Variants in ITGAE observed in about 807,000 individuals in gnomAD.
The protein encoded by ITGAE is integrin alpha-E.
A neutral mutation model predicts 136.5 loss-of-function variants in ITGAE; 99 were observed. That is an observed-to-expected ratio of 0.73 (90% CI 0.62 to 0.86). The LOEUF (loss-of-function observed/expected upper bound fraction) is 0.86, where lower values mean the gene tolerates loss of function less well. Ranked by LOEUF, ITGAE falls within the 40% of genes least tolerant of loss-of-function variation. The pLI is 0.00. For synonymous variants in ITGAE, 613 were observed against 591.8 expected, an observed-to-expected ratio of 1.04 and a Z score of -0.52; for missense variants, 1,447 against 1,515.3, an observed-to-expected ratio of 0.95 and a Z score of 0.75.
intron 16 of ITGAE, 141 bp downstream of exon 16, chr17:3,750,211 A>C (rs2051828862): frequency 1.6e-6 from 2 of 1,213,002 alleles, no homozygotes; most frequent in Admixed American, 2.3e-5. Flanking sequence ...TCAAACCCAG[A>C]CGGGCAGACT....
rs1226230429 is a variant in ITGAE at position 3,755,227 on chromosome 17, T to C, written c.1274A>G (p.Asp425Gly). ...QVLLGAVGAF[D>G]WSGGALLYDT... ...GTAGAGCAACGCCCCTCCGGACCAG[T>C]CAAAGGCCCCGACGGCGCCGAGCAG... is the stretch of plus-strand genomic sequence containing the variant. Residue 425 changes from aspartate (D) to glycine (G), a missense_variant, in exon 12 of 31, where the codon GAC becomes GGC. Coordinates refer to ENST00000263087, the MANE Select transcript of ITGAE (RefSeq NM_002208.5). 6.3e-7 allele frequency: 1 copy of C among 1,577,326 alleles called. No individual in the cohort carries two copies. Among genetic ancestry groups the C allele is most frequent in the Non-Finnish European group, 8.6e-7 (1 of 1,168,294 alleles).
chr17:3,751,929 C>T, intron 14 of ITGAE, 55 bp from the exon 15 acceptor site: 2 of 1,444,982 alleles, frequency 1.4e-6, no homozygotes, highest in Non-Finnish European at 1.9e-6. Context: ...GTGCCCACTC[C>T]ATTGCCACCC....
At chr17:3,766,286 C>A (rs1396993795) in intron 2 of ITGAE, among the ~76,000 whole-genome samples, 1 of 152,136 alleles carries the variant, frequency 6.6e-6, no homozygotes, top group Non-Finnish European at 1.5e-5. Context: ...AGTGTAATCA[C>A]AAAAGTCCTT....
intron 29 of ITGAE, among the ~76,000 whole-genome samples, chr17:3,718,947 C>G (rs576773990): frequency 2.6e-4 from 39 of 152,280 alleles, no homozygotes; most frequent in Admixed American, 4.6e-4. Flanking sequence ...AAATACACTA[C>G]TTAGCCGGAC....
At chr17:3,761,313 C>A in intron 5 of ITGAE, 90 bp downstream of exon 5, 1 of 1,545,876 alleles carries the variant, frequency 6.5e-7, no homozygotes. Flanking sequence ...GCCTGCGTCC[C>A]ACTGCATCTG....
At chr17:3,795,441 C>T (rs2053041522) in intron 1 of ITGAE, among the ~76,000 whole-genome samples, 1 of 152,232 alleles carries the variant, frequency 6.6e-6, no homozygotes, top group Non-Finnish European at 1.5e-5. Context: ...GTTCCGCTCC[C>T]CCAGAGCACC....
chr17:3,797,144 T>TAA (rs2053125857), intron 1 of ITGAE, among the ~76,000 whole-genome samples: 1 of 25,482 alleles, frequency 3.9e-5, no homozygotes, highest in Non-Finnish European at 8.1e-5. Flanking sequence ...AAACTAAATA[T>TAA]ATATATATAT....
intron 24 of ITGAE, chr17:3,729,228 G>A (rs1000076146): frequency 3.7e-5 from 17 of 455,854 alleles, no homozygotes; most frequent in African/African-American, 2.5e-4. Context: ...CCTCCACAGC[G>A]TCATATTAAT....
At chr17:3,723,663 G>A in intron 27 of ITGAE, 25 bp downstream of exon 27, 4 of 1,566,946 alleles carry the variant, frequency 2.6e-6, no homozygotes, top group South Asian at 1.2e-5. Context: ...GCCCTCCCCT[G>A]GCCTCTCGGG....
rs114235987 is a variant in ITGAE at position 3,757,217 on chromosome 17, C to T, written c.1021-83G>A. The T allele has an allele frequency of 7.5e-4, 1,108 of 1,469,380 alleles. 6 individuals carry two copies. In the African/African-American group the frequency reaches 0.013, roughly 18 times the overall value. The allele number at this position is 1,469,380 out of a possible 1,614,324, so 91.0% of individuals were successfully genotyped here. ...AGAGAGCTGAGCCCCTCCATCTGGC[C>T]TCTGGGGCCCTCCATTACCTGTCTC... On this transcript the variant is annotated intron_variant, in intron 9 of 30. Transcript: ENST00000263087.
In ITGAE at chr17:3,753,913, G is replaced by A. The variant is rs867499358; in HGVS notation, c.1397C>T (p.Ala466Val). The A allele has an allele frequency of 6.2e-7, 1 of 1,613,978 alleles. No individual in the cohort carries two copies. Among genetic ancestry groups the A allele is most frequent in the Non-Finnish European group, 8.5e-7 (1 of 1,179,982 alleles). Residue 466 changes from alanine to valine, a missense_variant, in exon 13 of 31, where the codon GCC (alanine) becomes GTC (valine). Ala to Val is a moderately conservative substitution (Grantham distance 64). Transcript: ENST00000263087. ...AQYSYLGYAV[A>V]VLHKTCSLSY... ...GAGGCTGCAGGTCTTGTGCAGCACG[G>A]CCACAGCGTAACCTGGGGCAAGGGT...
chr17:3,755,984 C>G lies in ITGAE; in HGVS notation c.1172-87G>C, dbSNP rs1007162193. 7 of 1,297,266 alleles carry G rather than the reference C, an allele frequency of 5.4e-6. No homozygotes were observed. In the African/African-American group the frequency reaches 7.4e-5, roughly 14 times the overall value. 80.4% of individuals were successfully genotyped at this position (1,297,266 alleles called of 1,614,324 possible). On this transcript the variant is annotated intron_variant, in intron 10 of 30. Coordinates refer to ENST00000263087, the MANE Select transcript of ITGAE (RefSeq NM_002208.5). ...GGGGACAGTCCAGCTTGGCCTCACT[C>G]CCAGAAGGAACCATGCTTGGTGTAA...
At chr17:3,717,288 T>G (rs2050961856) in intron 29 of ITGAE, 1 of 154,140 alleles carries the variant, frequency 6.5e-6, no homozygotes, top group Non-Finnish European at 1.4e-5. Flanking sequence ...TAATACACTT[T>G]CCCCACATAA....
chr17:3,732,502 C>T (rs1567518452), intron 21 of ITGAE, 36 bp from the exon 22 acceptor site: 3 of 1,552,662 alleles, frequency 1.9e-6, no homozygotes, highest in Admixed American at 3.4e-5. Context: ...CTTAAAGAGC[C>T]AAACAAAACA....
intron 9 of ITGAE, 51 bp downstream of exon 9, chr17:3,757,655 C>T: frequency 3.1e-6 from 5 of 1,593,232 alleles, no homozygotes; most frequent in Non-Finnish European, 4.3e-6. Flanking sequence ...GGCTTCTCCC[C>T]ACCCCAGGCT....
chr17:3,731,421 A>C (rs2051340966), intron 22 of ITGAE, among the ~76,000 whole-genome samples: 1 of 148,362 alleles, frequency 6.7e-6, no homozygotes, highest in South Asian at 2.1e-4. Flanking sequence ...AGCTCACTGC[A>C]ACCTCTGCCT....
chr17:3,723,469 A>G (rs192920134), intron 27 of ITGAE, 86 bp from the exon 28 acceptor site: 322 of 1,093,184 alleles, frequency 2.9e-4, no homozygotes, highest in Non-Finnish European at 3.7e-4. Flanking sequence ...AGAGCATCGT[A>G]AGGTCCCAGA....
intron 29 of ITGAE, among the ~76,000 whole-genome samples, chr17:3,718,788 C>A (rs1567751819): frequency 6.6e-6 from 1 of 152,112 alleles, no homozygotes; most frequent in South Asian, 2.1e-4. Flanking sequence ...AATGAAGGAA[C>A]AATTATTTTT....
At chr17:3,783,401 C>T (rs538753022) in intron 1 of ITGAE, among the ~76,000 whole-genome samples, 71 of 152,204 alleles carry the variant, frequency 4.7e-4, no homozygotes, top group Non-Finnish European at 7.6e-4. Context: ...GCCTCAGCCT[C>T]CCAAAGTGCT....
Sources: gnomAD v4.1 joint callset for allele counts (sites outside exome capture counted in the v4.1 genomes callset) on GRCh38, gnomAD v4.1.1 for gene constraint, MANE v1.5 for transcripts, NCBI Gene and HGNC (gene_info 2026-07-23, HGNC 2026-07-21) for gene names.